The following ACVR1 variants were observed in gnomAD, a reference collection of about 807,000 sequenced individuals.
ACVR1 encodes the protein activin A receptor type 1.
ACVR1 carries 38 observed loss-of-function variants against 57.1 expected under a neutral mutation model. The ratio of observed to expected loss-of-function variants is 0.67; its 90% CI spans 0.51 to 0.87. The LOEUF (loss-of-function observed/expected upper bound fraction) is 0.87, where lower values mean the gene tolerates loss of function less well. ACVR1 is among the 40% of genes least tolerant of loss of function. The pLI, the probability that ACVR1 is intolerant of heterozygous loss-of-function variation, is 0.00. For synonymous variants in ACVR1, 212 were observed against 228.1 expected, an observed-to-expected ratio of 0.93 and a Z score of 0.63; for missense variants, 463 against 638.2, an observed-to-expected ratio of 0.73 and a Z score of 2.96.
intron 7 of ACVR1, 144 bp downstream of exon 7, chr2:157,770,224 T>C: frequency 1.2e-6 from 1 of 842,288 alleles, no homozygotes; most frequent in Non-Finnish European, 1.9e-6. Context: ...TTTGAGAAAA[T>C]TAAACAGCAT....
chr2:157,876,070 G>C lies in ACVR1; in HGVS notation c.-457C>G, dbSNP rs1314277057. 1.3e-5 allele frequency among the ~76,000 whole-genome samples: 2 copies of C among 148,186 alleles called. No individual in the cohort carries two copies. The highest frequency in any genetic ancestry group is 4.0e-4 in the East Asian group (2 of 4,988). ...GCCGAGGAGCAGGCTGGCAGCGGCA[G>C]CGGCGGCAGCGGCAGCCACCCGGGG... On this transcript the variant is annotated 5_prime_UTR_variant, in exon 1 of 11. Transcript: ENST00000434821.
intron 1 of ACVR1, among the ~76,000 whole-genome samples, chr2:157,859,510 A>G (rs544517470): frequency 1.1e-4 from 17 of 152,064 alleles, no homozygotes; most frequent in African/African-American, 3.6e-4. Context: ...CTCGCCTCCA[A>G]TTTTTTCTTG....
chr2:157,777,507 C>A (rs1308933611), intron 5 of ACVR1, among the ~76,000 whole-genome samples: 1 of 152,148 alleles, frequency 6.6e-6, no homozygotes, highest in East Asian at 1.9e-4. Flanking sequence ...AAAATTAAAT[C>A]TACTTTTACG....
chr2:157,857,081 T>G (rs887562786), intron 1 of ACVR1, among the ~76,000 whole-genome samples: 9 of 152,014 alleles, frequency 5.9e-5, no homozygotes, highest in African/African-American at 1.7e-4. Context: ...CACTGTAGTC[T>G]CAGCTATTCA....
chr2:157,743,436 T>A (rs1684853105), intron 9 of ACVR1, among the ~76,000 whole-genome samples: 1 of 151,960 alleles, frequency 6.6e-6, no homozygotes, highest in Non-Finnish European at 1.5e-5. Flanking sequence ...ATTCTGGGGA[T>A]TTTTTGCCCA....
chr2:157,756,973 T>TTATATA lies in ACVR1; in HGVS notation c.1264+3901_1264+3906dup, dbSNP rs529691149. ...ATCTACACGTATTTTTTATATATAT[T>TTATATA]TATATATATATATTTGAGATATATA... is the stretch of plus-strand genomic sequence containing the variant. On this transcript the variant is annotated intron_variant, in intron 9 of 10. Transcript: ENST00000434821. 1.6e-3 allele frequency among the ~76,000 whole-genome samples: 230 copies of TTATATA among 143,148 alleles called. 1 individual carries two copies. The highest frequency in any genetic ancestry group is 5.7e-3 in the African/African-American group (221 of 38,682). 93.9% of individuals were successfully genotyped at this position (143,148 alleles called of 152,430 possible).
chr2:157,848,897 C>G (rs968152445), intron 1 of ACVR1, among the ~76,000 whole-genome samples: 1 of 151,994 alleles, frequency 6.6e-6, no homozygotes, highest in South Asian at 2.1e-4. Flanking sequence ...AAACAGCTGA[C>G]GAAGCTACAA....
intron 3 of ACVR1, among the ~76,000 whole-genome samples, chr2:157,792,403 T>C (rs1686951022): frequency 6.6e-6 from 1 of 152,130 alleles, no homozygotes; most frequent in Non-Finnish European, 1.5e-5. Flanking sequence ...GCTGAGAAGG[T>C]GCAAATGTAA....
intron 2 of ACVR1, among the ~76,000 whole-genome samples, chr2:157,810,093 T>G (rs777776223): frequency 6.6e-6 from 1 of 151,922 alleles, no homozygotes; most frequent in East Asian, 1.9e-4. Context: ...TATGTAAAAT[T>G]AAAACTAAAA....
chr2:157,813,419 T>TC (rs1226761973), intron 2 of ACVR1, among the ~76,000 whole-genome samples: 3 of 152,358 alleles, frequency 2.0e-5, no homozygotes, highest in African/African-American at 7.2e-5. Flanking sequence ...CCTTCTTTCC[T>TC]TCTTCTTGGG....
intron 9 of ACVR1, among the ~76,000 whole-genome samples, chr2:157,759,194 TAA>T (rs1266484278): frequency 6.6e-6 from 1 of 151,654 alleles, no homozygotes; most frequent in Non-Finnish European, 1.5e-5. Context: ...ATTAATGAAA[TAA>T]AAAGTTAGTT....
rs1273071191 is a variant in ACVR1 at position 157,737,331 on chromosome 2, A to T, written c.*200T>A. ...AGTGTGAACAGTTCGTGAAATGCCC[A>T]GTTCACAGTCATCGAGCGAGGTTAG... On this transcript the variant is annotated 3_prime_UTR_variant, in exon 11 of 11. Transcript: ENST00000434821. 1.5e-6 allele frequency: 1 copy of T among 657,588 alleles called. No homozygotes were observed. The highest frequency in any genetic ancestry group is 1.8e-5 in the African/African-American group (1 of 55,950). 40.7% of individuals were successfully genotyped at this position (657,588 alleles called of 1,614,324 possible).
intron 9 of ACVR1, among the ~76,000 whole-genome samples, chr2:157,755,523 A>AATACCATACCATACCATACCATACC (rs71402402): frequency 6.7e-6 from 1 of 149,780 alleles, no homozygotes; most frequent in African/African-American, 2.5e-5. Flanking sequence ...AGCTGCAAAT[A>AATACCATACCATACCATACCATACC]ATACCATACC....
At chr2:157,858,036 A>C (rs1170767882) in intron 1 of ACVR1, among the ~76,000 whole-genome samples, 1 of 151,710 alleles carries the variant, frequency 6.6e-6, no homozygotes, top group Non-Finnish European at 1.5e-5. Flanking sequence ...GTCAGTAAAA[A>C]CTTAAAAAAA....
At chr2:157,748,479 G>C (rs6713083) in intron 9 of ACVR1, among the ~76,000 whole-genome samples, 2 of 152,084 alleles carry the variant, frequency 1.3e-5, no homozygotes, top group Non-Finnish European at 2.9e-5. Flanking sequence ...TGAAGCTGAC[G>C]TGCAATTTCA....
intron 5 of ACVR1, among the ~76,000 whole-genome samples, chr2:157,776,000 G>A (rs1193322628): frequency 6.6e-6 from 1 of 152,172 alleles, no homozygotes; most frequent in African/African-American, 2.4e-5. Flanking sequence ...TGGGACTGCA[G>A]GCATGAGCCA....
chr2:157,851,299 A>G (rs919107972), intron 1 of ACVR1, among the ~76,000 whole-genome samples: 2 of 152,144 alleles, frequency 1.3e-5, no homozygotes, highest in Non-Finnish European at 2.9e-5. Context: ...TCTGTGGGTG[A>G]TCAACTCTTC....
At chr2:157,820,951 T>C (rs902072534) in intron 1 of ACVR1, among the ~76,000 whole-genome samples, 8 of 152,360 alleles carry the variant, frequency 5.3e-5, no homozygotes, top group African/African-American at 1.4e-4. Context: ...TAATTTAACA[T>C]TTGTTTTAAA....
At chr2:157,875,349 G>A (rs7604581) in intron 1 of ACVR1, among the ~76,000 whole-genome samples, 6,602 of 152,222 alleles carry the variant, frequency 0.043, 339 homozygotes, top group African/African-American at 0.12. Flanking sequence ...CCTCTTGGAA[G>A]AGATGGATAT....
Sources: gnomAD v4.1 joint callset for allele counts (sites outside exome capture counted in the v4.1 genomes callset) on GRCh38, gnomAD v4.1.1 for gene constraint, MANE v1.5 for transcripts, NCBI Gene and HGNC (gene_info 2026-07-23, HGNC 2026-07-21) for gene names.